DEFB110: variants seen among roughly 807,000 people sequenced by gnomAD.
DEFB110 encodes beta-defensin 110.
DEFB110 carries 4 observed loss-of-function variants against 2.5 expected under a neutral mutation model. The ratio of observed to expected loss-of-function variants is 1.60; its 90% CI spans 0.79 to 3.66. DEFB110 has a LOEUF of 3.66. Among genes scored for constraint, DEFB110 ranks in the 30% most tolerant of loss-of-function variants. DEFB110 has a pLI of 0.01. For missense variants in DEFB110, 94 were observed against 75.4 expected, an observed-to-expected ratio of 1.25 and a Z score of -0.91; for synonymous variants, 29 against 21.8, an observed-to-expected ratio of 1.33 and a Z score of -0.92.
chr6:50,010,127 C>T (rs1432078016), intron 1 of DEFB110, among the ~76,000 whole-genome samples: 1 of 151,786 alleles, frequency 6.6e-6, no homozygotes. Flanking sequence ...TTCTACCTAT[C>T]TGGATGATAT....
At chr6:50,012,552 T>TA (rs1237799755) in intron 1 of DEFB110, among the ~76,000 whole-genome samples, 5 of 151,950 alleles carry the variant, frequency 3.3e-5, no homozygotes, top group Non-Finnish European at 5.9e-5. Flanking sequence ...ATGCATTTAG[T>TA]AATACTTCAG....
chr6:50,011,405 T>C (rs1774226223), intron 1 of DEFB110, among the ~76,000 whole-genome samples: 1 of 151,972 alleles, frequency 6.6e-6, no homozygotes, highest in Non-Finnish European at 1.5e-5. Flanking sequence ...TGATAACTAT[T>C]TTTCATAAAA....
Position 50,018,922 on chromosome 6 carries a change from C to G in DEFB110, c.*55G>C. 6.4e-7 allele frequency: 1 copy of G among 1,553,612 alleles called. No individual in the cohort carries two copies. Among genetic ancestry groups the G allele is most frequent in the Non-Finnish European group, 8.7e-7 (1 of 1,154,606 alleles). On this transcript the variant is annotated 3_prime_UTR_variant, in exon 2 of 2. Transcript: ENST00000371148. ...CGCCTTGAAGGATGTGCTGGGAAAACTTAATAACGCTGGTCTCTCTTCTTG... is the reference window on the plus strand; with the variant it reads ...CGCCTTGAAGGATGTGCTGGGAAAAGTTAATAACGCTGGTCTCTCTTCTTG...
chr6:50,020,536 A>G (rs891016392), intron 1 of DEFB110, among the ~76,000 whole-genome samples: 3 of 152,110 alleles, frequency 2.0e-5, no homozygotes, highest in East Asian at 1.9e-4. Context: ...GTTTCCTGCT[A>G]TTAATTATTG....
intron 1 of DEFB110, among the ~76,000 whole-genome samples, chr6:50,013,831 C>T (rs1167886912): frequency 6.6e-6 from 1 of 151,682 alleles, no homozygotes; most frequent in Non-Finnish European, 1.5e-5. Context: ...AATGTTTTGG[C>T]CTTTAGGATG....
At chr6:50,015,123 G>A (rs1774295164), downstream of DEFB110, among the ~76,000 whole-genome samples, 1 of 151,630 alleles carries the variant, frequency 6.6e-6, no homozygotes. Context: ...AGTCATTATT[G>A]ACCCCTCTGT....
chr6:50,009,364 A>G, intron 1 of DEFB110: 1 of 1,336,244 alleles, frequency 7.5e-7, no homozygotes, highest in Non-Finnish European at 1.0e-6. Context: ...CAGTTATGAG[A>G]TCATGTGTGT....
Position 50,019,038 on chromosome 6 carries a change from T to C in DEFB110, c.143A>G (p.Glu48Gly). Reference sequence around the variant, plus strand: ...GCAGTAAGCAATCCTAATTTCATTTTCATGACACTGATTTTTACATTGACC... The same window carrying C: ...GCAGTAAGCAATCCTAATTTCATTTCCATGACACTGATTTTTACATTGACC... ...GNGQCKNQCH[E>G]NEIRIAYCIR... Residue 48 changes from glutamate (E) to glycine (G), a missense_variant, in exon 2 of 2, where the codon GAA becomes GGA. Glu to Gly is a moderately conservative substitution (Grantham distance 98). Transcript: ENST00000371148. The C allele has an allele frequency of 6.2e-7, 1 of 1,613,266 alleles. No homozygotes were observed. Among genetic ancestry groups the C allele is most frequent in the Non-Finnish European group, 8.5e-7 (1 of 1,179,452 alleles).
intron 1 of DEFB110, among the ~76,000 whole-genome samples, chr6:50,012,198 C>T (rs959149708): frequency 2.0e-5 from 3 of 151,926 alleles, no homozygotes; most frequent in African/African-American, 7.2e-5. Flanking sequence ...ACTGTTTATG[C>T]CCTGCTATCA....
downstream of DEFB110, among the ~76,000 whole-genome samples, chr6:50,014,980 A>G (rs1335560792): frequency 2.0e-5 from 3 of 151,830 alleles, no homozygotes; most frequent in South Asian, 4.1e-4. Context: ...TGCTAAATCT[A>G]TTTGATATGA....
chr6:50,013,894 C>T (rs1561990775), downstream of DEFB110, among the ~76,000 whole-genome samples: 2 of 151,718 alleles, frequency 1.3e-5, no homozygotes, highest in Non-Finnish European at 2.9e-5. Context: ...TTAGCCCTTG[C>T]GAGTAATATG....
chr6:50,009,472 T>C (rs1161851581), intron 1 of DEFB110, among the ~76,000 whole-genome samples: 1 of 152,160 alleles, frequency 6.6e-6, no homozygotes, highest in Non-Finnish European at 1.5e-5. Context: ...TTGTACAAAA[T>C]GTCTATGTCC....
chr6:50,019,690 A>T (rs1372836415), intron 1 of DEFB110, among the ~76,000 whole-genome samples: 1 of 152,132 alleles, frequency 6.6e-6, no homozygotes, highest in Admixed American at 6.6e-5. Context: ...AGAAAAAAAA[A>T]GTGGAGCCAT....
At chr6:50,010,367 A>G (rs1400646414) in intron 1 of DEFB110, among the ~76,000 whole-genome samples, 1 of 151,864 alleles carries the variant, frequency 6.6e-6, no homozygotes, top group Non-Finnish European at 1.5e-5. Flanking sequence ...AATGGTAGGC[A>G]TTTATTTTAG....
chr6:50,017,016 T>C (rs1421330207), downstream of DEFB110, among the ~76,000 whole-genome samples: 2 of 151,690 alleles, frequency 1.3e-5, no homozygotes, highest in Middle Eastern at 3.2e-3. Context: ...ACTCTTATTT[T>C]CCCCATATTA....
At chr6:50,012,490 T>C (rs1347910130) in intron 1 of DEFB110, among the ~76,000 whole-genome samples, 1 of 151,954 alleles carries the variant, frequency 6.6e-6, no homozygotes, top group African/African-American at 2.4e-5. Flanking sequence ...TTATTTCCTG[T>C]CAACTTAGCA....
At chr6:50,015,387 T>A (rs1774299783), downstream of DEFB110, among the ~76,000 whole-genome samples, 1 of 151,792 alleles carries the variant, frequency 6.6e-6, no homozygotes, top group Non-Finnish European at 1.5e-5. Flanking sequence ...TTCTAGCTCC[T>A]AAAAATCCCT....
At chr6:50,013,541 A>AT (rs916632276) in intron 1 of DEFB110, among the ~76,000 whole-genome samples, 1 of 151,588 alleles carries the variant, frequency 6.6e-6, no homozygotes, top group Non-Finnish European at 1.5e-5. Flanking sequence ...CATCTTTTCA[A>AT]TTTTTTTTCT....
intron 1 of DEFB110, among the ~76,000 whole-genome samples, 185 bp from the exon 2 acceptor site, chr6:50,019,310 A>G (rs1774377371): frequency 1.3e-5 from 2 of 152,068 alleles, no homozygotes; most frequent in Admixed American, 1.3e-4. Context: ...AGGGTCTTGG[A>G]CTTAAGTTAG....
Sources: allele counts gnomAD v4.1 joint callset (sites outside exome capture counted in the v4.1 genomes callset), GRCh38; gene constraint gnomAD v4.1.1; transcripts MANE v1.5; gene names NCBI Gene and HGNC (gene_info 2026-07-23, HGNC 2026-07-21).